Variants in ATXN1 observed in about 807,000 individuals in gnomAD.
The protein encoded by ATXN1 is ataxin 1, also known as ataxin-1.
Under a neutral mutation model 56.4 loss-of-function variants are expected in ATXN1, and 8 were observed. The ratio of observed to expected loss-of-function variants is 0.14; its 90% CI spans 0.08 to 0.26. The LOEUF (loss-of-function observed/expected upper bound fraction) is 0.26, where lower values mean the gene tolerates loss of function less well. ATXN1 is among the 10% of genes least tolerant of loss of function. ATXN1 has a pLI of 1.00. For missense variants in ATXN1, 987 were observed against 1,106.5 expected (o/e 0.89, Z 1.53); for synonymous variants, 514 against 494.6 (o/e 1.04, Z -0.52).
chr6:16,501,732 T>A (rs1049459148), intron 5 of ATXN1, among the ~76,000 whole-genome samples: 2 of 152,182 alleles, frequency 1.3e-5, no homozygotes, highest in Non-Finnish European at 2.9e-5. Flanking sequence ...TTGATGGGCA[T>A]TTGGGTTGGT....
chr6:16,591,024 T>C (rs1009732846), intron 3 of ATXN1, among the ~76,000 whole-genome samples: 1 of 152,094 alleles, frequency 6.6e-6, no homozygotes, highest in Non-Finnish European at 1.5e-5. Flanking sequence ...GTATTTTTAG[T>C]AGAGATGGGG....
chr6:16,331,314 TG>T lies in ATXN1; in HGVS notation c.-160-2845del, dbSNP rs1162797326. On this transcript the variant is annotated intron_variant, in intron 6 of 7. Transcript: ENST00000436367. ...CTGCGCCCTGCCCACCTAGGGTTTTTGTAAGTGACAAATAACTGTGTTCTGT... is the reference window on the plus strand; with the variant it reads ...CTGCGCCCTGCCCACCTAGGGTTTTTTAAGTGACAAATAACTGTGTTCTGT... Among the ~76,000 whole-genome samples, 3 of 152,362 alleles carry T rather than the reference TG, an allele frequency of 2.0e-5. No homozygotes were observed. The East Asian group carries it at 5.8e-4, about 29-fold the overall frequency.
Position 16,358,650 on chromosome 6 carries a change from A to G in ATXN1, c.-160-30180T>C, listed in dbSNP as rs537368188. ...CATGGAGCTGGTGGCAGCCCTGTTC[A>G]TTCCGAGTTGGGATGGGAGCTCCGC... On this transcript the variant is annotated intron_variant, in intron 6 of 7. Coordinates refer to ENST00000436367, the MANE Select transcript of ATXN1 (RefSeq NM_001128164.2). 6.2e-4 allele frequency among the ~76,000 whole-genome samples: 95 copies of G among 152,300 alleles called. 1 individual carries two copies. The highest frequency in any genetic ancestry group is 2.2e-3 in the African/African-American group (92 of 41,568).
At chr6:16,752,446 T>C (rs1760752428) in intron 2 of ATXN1, among the ~76,000 whole-genome samples, 1 of 152,156 alleles carries the variant, frequency 6.6e-6, no homozygotes, top group Non-Finnish European at 1.5e-5. Flanking sequence ...GGTGATTCTG[T>C]TGCCTAGCCA....
intron 6 of ATXN1, among the ~76,000 whole-genome samples, chr6:16,403,422 C>T (rs982025610): frequency 6.6e-6 from 1 of 152,218 alleles, no homozygotes; most frequent in Non-Finnish European, 1.5e-5. Context: ...GTAATCTCAG[C>T]TCACTTCAGC....
intron 6 of ATXN1, among the ~76,000 whole-genome samples, chr6:16,452,055 T>C (rs1488457474): frequency 2.0e-5 from 3 of 152,178 alleles, no homozygotes; most frequent in Admixed American, 1.3e-4. Flanking sequence ...TTTTTGCCTA[T>C]AACACACGAG....
rs536952868 is a variant in ATXN1 at position 16,581,255 on chromosome 6, G to T, written c.-361+4525C>A. On this transcript the variant is annotated intron_variant, in intron 4 of 7. Coordinates refer to ENST00000436367, the MANE Select transcript of ATXN1 (RefSeq NM_001128164.2). ...CGTGTGTGTGTGTGTGTGTGTGCTG[G>T]GTGGGTGTGTGGATGGGGAGTAGGG... 7.3e-5 allele frequency among the ~76,000 whole-genome samples: 11 copies of T among 150,840 alleles called. No individual in the cohort carries two copies. In the Admixed American group the frequency reaches 7.3e-4, roughly 10 times the overall value.
At chr6:16,558,875 A>G (rs1427441040) in intron 4 of ATXN1, among the ~76,000 whole-genome samples, 2 of 152,198 alleles carry the variant, frequency 1.3e-5, no homozygotes, top group Non-Finnish European at 2.9e-5. Flanking sequence ...CTAAAATAGC[A>G]TAAGACAAAA....
intron 6 of ATXN1, among the ~76,000 whole-genome samples, chr6:16,442,920 G>T (rs1373106169): frequency 6.6e-6 from 1 of 152,082 alleles, no homozygotes; most frequent in Non-Finnish European, 1.5e-5. Context: ...GCTGAGGCAC[G>T]AGAATTGCTT....
intron 4 of ATXN1, among the ~76,000 whole-genome samples, chr6:16,581,186 G>C (rs1762520757): frequency 6.7e-6 from 1 of 148,740 alleles, no homozygotes; most frequent in Admixed American, 6.7e-5. Context: ...CCCCATGTTC[G>C]AGAATGCACT....
At chr6:16,672,519 G>A (rs531111045) in intron 2 of ATXN1, among the ~76,000 whole-genome samples, 1 of 152,300 alleles carries the variant, frequency 6.6e-6, no homozygotes, top group Non-Finnish European at 1.5e-5. Flanking sequence ...CGATTTCACA[G>A]ATGTGATGAC....
intron 7 of ATXN1, among the ~76,000 whole-genome samples, chr6:16,307,670 C>T (rs1760283106): frequency 7.2e-6 from 1 of 139,444 alleles, no homozygotes; most frequent in African/African-American, 2.7e-5. Context: ...AGTGAGACTC[C>T]GTCTCAAAAA....
At chr6:16,427,269 G>C (rs1051888698) in intron 6 of ATXN1, among the ~76,000 whole-genome samples, 4 of 152,194 alleles carry the variant, frequency 2.6e-5, no homozygotes, top group African/African-American at 4.8e-5. Flanking sequence ...CCTGTGTGTT[G>C]CAGGATGTTT....
chr6:16,562,148 C>A (rs144989964), intron 4 of ATXN1, among the ~76,000 whole-genome samples: 14 of 151,912 alleles, frequency 9.2e-5, no homozygotes, highest in Non-Finnish European at 1.9e-4. Context: ...CCGAGGCAGG[C>A]GGATTGCTTG....
chr6:16,338,406 T>C (rs985056178), intron 6 of ATXN1, among the ~76,000 whole-genome samples: 1 of 152,108 alleles, frequency 6.6e-6, no homozygotes, highest in Admixed American at 6.6e-5. Context: ...GGCAGGAGAA[T>C]CGCTTGAACC....
rs576643681 is a variant in ATXN1, at chr6:16,311,419, C to A, written c.1918-4560G>T. Among the ~76,000 whole-genome samples, 7 of 152,292 alleles carry A rather than the reference C, an allele frequency of 4.6e-5. No individual in the cohort carries two copies. In the South Asian group the frequency reaches 1.0e-3, roughly 23 times the overall value. ...AGAGATGAACTAAGCATTCCTGCTACCCCCCAACAGTGGTGAATATTGACT... is the reference window on the plus strand; with the variant it reads ...AGAGATGAACTAAGCATTCCTGCTAACCCCCAACAGTGGTGAATATTGACT... On this transcript the variant is annotated intron_variant, in intron 7 of 7. Coordinates refer to ENST00000436367, the MANE Select transcript of ATXN1 (RefSeq NM_001128164.2).
intron 6 of ATXN1, among the ~76,000 whole-genome samples, chr6:16,484,947 A>ATGTGTGTG (rs35749735): frequency 8.2e-4 from 103 of 126,044 alleles, no homozygotes; most frequent in Non-Finnish European, 1.2e-3. Context: ...CTAAATATAT[A>ATGTGTGTG]TGTGTGTGTG....
At chr6:16,735,968 G>GA (rs1561829282) in intron 2 of ATXN1, among the ~76,000 whole-genome samples, 1 of 152,108 alleles carries the variant, frequency 6.6e-6, no homozygotes, top group Non-Finnish European at 1.5e-5. Context: ...AGTAGGCTGA[G>GA]AAAAAATAGA....
chr6:16,482,574 A>G (rs142047345), intron 6 of ATXN1, among the ~76,000 whole-genome samples: 163 of 152,332 alleles, frequency 1.1e-3, no homozygotes, highest in African/African-American at 3.8e-3. Context: ...CTCCTTGCTT[A>G]GACTCTAACC....
Sources: allele counts gnomAD v4.1 joint callset (sites outside exome capture counted in the v4.1 genomes callset), GRCh38; gene constraint gnomAD v4.1.1; transcripts MANE v1.5; gene names NCBI Gene and HGNC (gene_info 2026-07-23, HGNC 2026-07-21).